The following PMEPA1 variants were observed in gnomAD, a reference collection of about 807,000 sequenced individuals.
PMEPA1 encodes protein TMEPAI.
In PMEPA1, 11 loss-of-function variants were observed where a neutral mutation model predicts 23.0. The ratio of observed to expected loss-of-function variants is 0.48; its 90% CI spans 0.30 to 0.79. The LOEUF (loss-of-function observed/expected upper bound fraction) is 0.79. Among genes scored for constraint, PMEPA1 ranks in the 30% least tolerant of loss-of-function variants. The pLI is 0.06. For missense variants in PMEPA1, 377 were observed against 390.9 expected, an observed-to-expected ratio of 0.96 and a Z score of 0.30; for synonymous variants, 204 against 166.4, an observed-to-expected ratio of 1.23 and a Z score of -1.74.
At chr20:57,659,052 C>T (rs957542058) in intron 2 of PMEPA1, among the ~76,000 whole-genome samples, 4 of 152,234 alleles carry the variant, frequency 2.6e-5, no homozygotes, top group African/African-American at 4.8e-5. Context: ...TGGGTCAAGA[C>T]GGGGGTCAGC....
intron 1 of PMEPA1, among the ~76,000 whole-genome samples, chr20:57,689,145 A>T (rs2071841694): frequency 6.6e-6 from 1 of 152,166 alleles, no homozygotes; most frequent in East Asian, 1.9e-4. Flanking sequence ...TATCATTAGA[A>T]ATTGGTGCAC....
chr20:57,710,379 T>A, upstream of PMEPA1: 1 of 1,441,910 alleles, frequency 6.9e-7, no homozygotes, highest in Non-Finnish European at 9.4e-7. Flanking sequence ...GGCTAGCCTA[T>A]CTTCTGAGGA....
chr20:57,700,724 A>G (rs1001932153), intron 1 of PMEPA1, among the ~76,000 whole-genome samples: 1 of 152,210 alleles, frequency 6.6e-6, no homozygotes, highest in Non-Finnish European at 1.5e-5. Flanking sequence ...AAATGATTTT[A>G]GTTAAAAGAC....
rs557545061 is a variant in PMEPA1, at chr20:57,661,566, G to T, written c.110-1869C>A. Among the ~76,000 whole-genome samples the T allele has an allele frequency of 2.0e-5, 3 of 152,316 alleles. No homozygotes were observed. In the South Asian group the frequency reaches 6.2e-4, roughly 32 times the overall value. ...GTTCAAGCCCAGTGCCACTGACTCA[G>T]TTCCTCCTCCTCCCAGGACCGAGGA... On this transcript the variant is annotated intron_variant, in intron 1 of 3. Coordinates refer to ENST00000341744, the MANE Select transcript of PMEPA1 (RefSeq NM_020182.5).
chr20:57,679,410 G>A (rs1358904142), intron 1 of PMEPA1, among the ~76,000 whole-genome samples: 1 of 152,208 alleles, frequency 6.6e-6, no homozygotes, highest in Non-Finnish European at 1.5e-5. Flanking sequence ...AGGCAGCATA[G>A]ACAACGTGAA....
At chr20:57,699,584 G>A (rs534510552) in intron 1 of PMEPA1, among the ~76,000 whole-genome samples, 2 of 152,214 alleles carry the variant, frequency 1.3e-5, no homozygotes, top group Non-Finnish European at 2.9e-5. Context: ...CAAGGCGTGT[G>A]GGGTGCAGGG....
chr20:57,661,005 C>T (rs1315879301), intron 1 of PMEPA1, among the ~76,000 whole-genome samples: 1 of 152,194 alleles, frequency 6.6e-6, no homozygotes, highest in African/African-American at 2.4e-5. Flanking sequence ...CATCCCAGGA[C>T]TCACAAACAC....
At chr20:57,668,462 G>A (rs1445570700) in intron 1 of PMEPA1, among the ~76,000 whole-genome samples, 1 of 152,202 alleles carries the variant, frequency 6.6e-6, no homozygotes, top group African/African-American at 2.4e-5. Flanking sequence ...GGAACCTCTT[G>A]AGTCAAGAAC....
Position 57,685,865 on chromosome 20 carries a change from G to C in PMEPA1, c.109+23609C>G, listed in dbSNP as rs534142498. Among the ~76,000 whole-genome samples the C allele has an allele frequency of 2.0e-5, 3 of 152,278 alleles. No homozygotes were observed. The East Asian group carries it at 5.8e-4, about 29-fold the overall frequency. On this transcript the variant is annotated intron_variant, in intron 1 of 3. Transcript: ENST00000341744. ...GGAGAACTTGTTTCCACCTGCTCCGGGTGGACCAGAACCAAGAGGAGAGGA... is the reference window on the plus strand; with the variant it reads ...GGAGAACTTGTTTCCACCTGCTCCGCGTGGACCAGAACCAAGAGGAGAGGA...
chr20:57,702,217 G>A (rs961391478), intron 1 of PMEPA1, among the ~76,000 whole-genome samples: 2 of 152,206 alleles, frequency 1.3e-5, no homozygotes, highest in African/African-American at 2.4e-5. Context: ...TGTGGCAGAT[G>A]GTGCTGAACG....
At position 57,683,998 on chromosome 20, in the gene PMEPA1, G is replaced by A. The variant is rs1248288511; in HGVS notation, c.110-24301C>T. 2.0e-5 allele frequency among the ~76,000 whole-genome samples: 3 copies of A among 152,146 alleles called. No individual in the cohort carries two copies. The highest frequency in any genetic ancestry group is 2.1e-4 in the South Asian group (1 of 4,818). ...ATGTCCTTCTCTATCTCCTGCAGAC[G>A]AAATGTCCCACCACGCCCCACCCCC... On this transcript the variant is annotated intron_variant, in intron 1 of 3. Transcript: ENST00000341744. The surrounding 1 kb of genome is among the most constrained non-coding windows in gnomAD (Gnocchi z 4.3).
At chr20:57,693,847 A>T (rs2071913475) in intron 1 of PMEPA1, among the ~76,000 whole-genome samples, 2 of 152,136 alleles carry the variant, frequency 1.3e-5, no homozygotes, top group South Asian at 4.1e-4. Flanking sequence ...CCTTGTGAGG[A>T]GGTGTTGGGT....
chr20:57,686,221 C>T (rs371145720), intron 1 of PMEPA1, among the ~76,000 whole-genome samples: 7 of 152,294 alleles, frequency 4.6e-5, no homozygotes, highest in African/African-American at 1.7e-4. Context: ...AGTTTCTTCC[C>T]CTGGGACTGT....
At chr20:57,678,691 A>AT (rs2071671722) in intron 1 of PMEPA1, among the ~76,000 whole-genome samples, 1 of 152,236 alleles carries the variant, frequency 6.6e-6, no homozygotes, top group Non-Finnish European at 1.5e-5. Context: ...TAAACACGTC[A>AT]TTTAAAATTT....
At chr20:57,677,619 G>T (rs1019165925) in intron 1 of PMEPA1, among the ~76,000 whole-genome samples, 1 of 152,104 alleles carries the variant, frequency 6.6e-6, no homozygotes, top group South Asian at 2.1e-4. Context: ...GAAACTGAAG[G>T]GTCTTTCAAA....
chr20:57,697,511 G>A (rs1020240943), intron 1 of PMEPA1, among the ~76,000 whole-genome samples: 1 of 152,230 alleles, frequency 6.6e-6, no homozygotes, highest in Non-Finnish European at 1.5e-5. Flanking sequence ...TTCTCCTCCA[G>A]TGAACTTTCT....
Position 57,651,502 on chromosome 20 carries a change from G to A in PMEPA1, c.*551C>T, listed in dbSNP as rs2071227539. ...GCTTTGTAATTTTTTTCTTTACAAG[G>A]TAATACACACTTTCTGACTTGGCAC... On this transcript the variant is annotated 3_prime_UTR_variant, in exon 4 of 4. Coordinates refer to ENST00000341744, the MANE Select transcript of PMEPA1 (RefSeq NM_020182.5). The A allele has an allele frequency of 6.6e-6, 1 of 152,342 alleles. No individual in the cohort carries two copies. The highest frequency in any genetic ancestry group is 6.6e-5 in the Admixed American group (1 of 15,262). The allele number at this position is 152,342 out of a possible 1,614,324, so 9.4% of individuals were successfully genotyped here. A position where few individuals can be genotyped will look rare whatever the true frequency, so the allele number is the denominator to read the frequency against.
At chr20:57,710,477 A>G (rs375448244), upstream of PMEPA1, 5 of 1,608,188 alleles carry the variant, frequency 3.1e-6, no homozygotes, top group Non-Finnish European at 4.2e-6. Flanking sequence ...CTGGTTTCGC[A>G]GGAGACTGTC....
chr20:57,659,773 C>T (rs1600777746), intron 1 of PMEPA1, 76 bp from the exon 2 acceptor site: 3 of 1,394,236 alleles, frequency 2.2e-6, no homozygotes, highest in East Asian at 5.0e-5. Context: ...CCCTTTTGAG[C>T]TTTTTCACCC....
Sources: gnomAD v4.1 joint callset for allele counts (sites outside exome capture counted in the v4.1 genomes callset) on GRCh38, gnomAD v4.1.1 for gene constraint, Gnocchi (gnomAD v3.1) non-coding constraint, MANE v1.5 for transcripts, NCBI Gene and HGNC (gene_info 2026-07-23, HGNC 2026-07-21) for gene names.